Variants in ATRX observed in about 807,000 individuals in gnomAD.
ATRX encodes the protein chromatin remodeler ATRX.
Under a neutral mutation model 172.6 loss-of-function variants are expected in ATRX, and 12 were observed. The ratio of observed to expected loss-of-function variants is 0.07; its 90% confidence interval spans 0.04 to 0.11. The LOEUF is 0.11. Among genes scored for constraint, ATRX ranks in the 10% least tolerant of loss-of-function variants. ATRX has a pLI of 1.00. For synonymous variants in ATRX, 674 were observed against 594.7 expected (o/e 1.13, Z -1.94); for missense variants, 1,368 against 1,767.4 (o/e 0.77, Z 4.05).
chrX:77,590,611 C>CAAA (rs782519159), intron 26 of ATRX, among the ~76,000 whole-genome samples: 2 of 32,396 alleles, frequency 6.2e-5, no homozygotes, highest in African/African-American at 1.2e-4. Flanking sequence ...GACTCTGTCT[C>CAAA]AAAAAAAAAA....
intron 13 of ATRX, 94 bp from the exon 14 acceptor site, chrX:77,654,294 C>A: frequency 1.4e-6 from 1 of 693,139 alleles, no homozygotes; most frequent in Non-Finnish European, 2.2e-6. Flanking sequence ...CCTCTGTATG[C>A]ATTCCTAAAA....
chrX:77,600,290 C>G, intron 23 of ATRX, 144 bp downstream of exon 23: 1 of 685,142 alleles, frequency 1.5e-6, no homozygotes, highest in Non-Finnish European at 2.2e-6. Flanking sequence ...AATCATAATA[C>G]ATGCAAGACA....
intron 34 of ATRX, among the ~76,000 whole-genome samples, chrX:77,519,419 T>A (rs1334767783): frequency 9.0e-6 from 1 of 111,003 alleles, no homozygotes; most frequent in African/African-American, 3.3e-5. Flanking sequence ...ACATCATCAG[T>A]CATTAGATAA....
chrX:77,619,959 C>T (rs948359408), intron 20 of ATRX, among the ~76,000 whole-genome samples: 1 of 111,744 alleles, frequency 8.9e-6, no homozygotes, highest in Non-Finnish European at 1.9e-5. Context: ...ACTGTCCTGC[C>T]ATGGATTCAG....
chrX:77,585,095 TATGAG>T, intron 27 of ATRX, among the ~76,000 whole-genome samples: 1 of 111,250 alleles, frequency 9.0e-6, no homozygotes, highest in African/African-American at 3.3e-5. Flanking sequence ...CAAATCAAAC[TATGAG>T]ATATCTTCCC....
At position 77,521,277 on chromosome X, in the gene ATRX, T is replaced by A. The variant is rs111767325; in HGVS notation, c.7071+126A>T. ...TTACGGTTTGGCATTATCCATCCATTTTACCAGTATTTTACTATTGCAAAT... is the reference window on the plus strand; with the variant it reads ...TTACGGTTTGGCATTATCCATCCATATTACCAGTATTTTACTATTGCAAAT... On this transcript the variant is annotated intron_variant, in intron 33 of 34. Coordinates refer to ENST00000373344, the MANE Select transcript of ATRX (RefSeq NM_000489.6). 1.1e-5 allele frequency: 6 copies of A among 557,188 alleles called. No homozygotes were observed. The African/African-American group carries it at 1.1e-4, about 11-fold the overall frequency. The allele number at this position is 557,188 out of a possible 1,213,427, so 45.9% of individuals were successfully genotyped here.
chrX:77,716,317 A>T (rs1176804084), intron 2 of ATRX, among the ~76,000 whole-genome samples: 39 of 52,848 alleles, frequency 7.4e-4, no homozygotes, highest in African/African-American at 1.9e-3. Context: ...AAAAAAAAAA[A>T]AAAAAAATAT....
intron 2 of ATRX, among the ~76,000 whole-genome samples, chrX:77,705,377 C>T (rs924188271): frequency 3.6e-5 from 4 of 111,979 alleles, no homozygotes; most frequent in African/African-American, 1.3e-4. Context: ...GGGCAGGGCT[C>T]CTGCTTGCCC....
intron 1 of ATRX, among the ~76,000 whole-genome samples, chrX:77,764,942 G>A (rs782104161): frequency 8.9e-5 from 10 of 111,845 alleles, no homozygotes; most frequent in Admixed American, 6.7e-4. Flanking sequence ...CTCACAGGCC[G>A]AGGCAGGTGG....
intron 1 of ATRX, among the ~76,000 whole-genome samples, chrX:77,770,087 A>G (rs2076107495): frequency 9.0e-6 from 1 of 110,517 alleles, no homozygotes; most frequent in Non-Finnish European, 1.9e-5. Flanking sequence ...GTTTCAAAAT[A>G]AAAATGGGAA....
chrX:77,586,059 A>T (rs1000131460), intron 27 of ATRX, among the ~76,000 whole-genome samples: 28 of 111,864 alleles, frequency 2.5e-4, no homozygotes, highest in Non-Finnish European at 9.4e-5. Flanking sequence ...TGGAATGAAT[A>T]AAAACTAGTA....
In ATRX at chrX:77,553,834, A is replaced by T. The variant is rs782310067; in HGVS notation, c.6699+3617T>A. Among the ~76,000 whole-genome samples, 514 of 111,750 alleles carry T rather than the reference A, an allele frequency of 4.6e-3. 3 individuals are homozygous for T. The highest frequency in any genetic ancestry group is 7.3e-3 in the Non-Finnish European group (389 of 53,215). ...CACCTGCACAGATTTCTATTATAGG[A>T]TCTGTAACTCTTACTATATTACTTG... is the stretch of plus-strand genomic sequence containing the variant. On this transcript the variant is annotated intron_variant, in intron 30 of 34. Coordinates refer to ENST00000373344, the MANE Select transcript of ATRX (RefSeq NM_000489.6).
chrX:77,731,270 A>C (rs1158831325), intron 1 of ATRX, among the ~76,000 whole-genome samples: 12 of 111,875 alleles, frequency 1.1e-4, no homozygotes, highest in Admixed American at 7.6e-4. Context: ...ACAATCTACC[A>C]AGATTGAACC....
chrX:77,584,616 A>C (rs1602653765), intron 27 of ATRX, among the ~76,000 whole-genome samples: 1 of 111,651 alleles, frequency 9.0e-6, no homozygotes, highest in African/African-American at 3.3e-5. Flanking sequence ...TCAGGAGAAA[A>C]AAACTAGACC....
intron 2 of ATRX, among the ~76,000 whole-genome samples, chrX:77,701,465 T>C (rs1413920969): frequency 9.1e-6 from 1 of 109,553 alleles, no homozygotes; most frequent in African/African-American, 3.3e-5. Context: ...TGAGCCGAGA[T>C]TGTGCCATTG....
At chrX:77,600,084 T>C (rs1246546799) in intron 23 of ATRX, among the ~76,000 whole-genome samples, 1 of 111,770 alleles carries the variant, frequency 8.9e-6, no homozygotes, top group East Asian at 2.8e-4. Flanking sequence ...TAGTTAATAG[T>C]ATTGTACCAA....
intron 20 of ATRX, 124 bp from the exon 21 acceptor site, chrX:77,619,105 T>C: frequency 4.1e-6 from 2 of 486,663 alleles, no homozygotes; most frequent in South Asian, 7.0e-5. Flanking sequence ...AGAAAGAATA[T>C]CAAGCTAAGT....
intron 1 of ATRX, among the ~76,000 whole-genome samples, chrX:77,754,729 G>T (rs1323823833): frequency 3.6e-5 from 4 of 111,792 alleles, no homozygotes; most frequent in African/African-American, 1.3e-4. Context: ...GCTTCCCTTT[G>T]TGGGTAACCC....
At chrX:77,511,688 A>G (rs1201468415) in intron 34 of ATRX, among the ~76,000 whole-genome samples, 2 of 112,221 alleles carry the variant, frequency 1.8e-5, no homozygotes, top group Non-Finnish European at 3.8e-5. Flanking sequence ...AGAATGTATT[A>G]AGAGTCTCTT....
Sources: gnomAD v4.1 joint callset for allele counts (sites outside exome capture counted in the v4.1 genomes callset) on GRCh38, gnomAD v4.1.1 for gene constraint, MANE v1.5 for transcripts, NCBI Gene and HGNC (gene_info 2026-07-23, HGNC 2026-07-21) for gene names.